EYS: variants seen among roughly 807,000 people sequenced by gnomAD.
EYS encodes protein eyes shut homolog.
Under a neutral mutation model 282.1 loss-of-function variants are expected in EYS, and 250 were observed. That is an observed-to-expected ratio of 0.89 (90% CI 0.80 to 0.98). The LOEUF (loss-of-function observed/expected upper bound fraction) is 0.98. Ranked by LOEUF, EYS falls within the 50% of genes least tolerant of loss-of-function variation. The probability of loss-of-function intolerance (pLI) is 0.00; values close to 1 mark genes in which losing one functional copy is unlikely to be tolerated. For synonymous variants in EYS, 1,355 were observed against 1,282.9 expected (o/e 1.06, Z -1.20); for missense variants, 4,016 against 3,709.0 (o/e 1.08, Z -2.15).
chr6:64,106,513 T>G (rs1773017704), intron 31 of EYS, among the ~76,000 whole-genome samples: 1 of 152,148 alleles, frequency 6.6e-6, no homozygotes, highest in East Asian at 1.9e-4. Flanking sequence ...AGAAATCCAG[T>G]GCAATTCTTT....
At chr6:64,430,144 A>G (rs898499863) in intron 28 of EYS, among the ~76,000 whole-genome samples, 1 of 152,190 alleles carries the variant, frequency 6.6e-6, no homozygotes, top group African/African-American at 2.4e-5. Flanking sequence ...AATGAAGTGC[A>G]AAACTTGGAT....
intron 14 of EYS, among the ~76,000 whole-genome samples, chr6:64,991,149 C>A (rs1771049261): frequency 1.3e-5 from 2 of 151,332 alleles, no homozygotes; most frequent in South Asian, 4.1e-4. Context: ...AGAAAGCTGA[C>A]CTCTATCATA....
intron 2 of EYS, among the ~76,000 whole-genome samples, chr6:65,529,139 TA>T (rs554452993): frequency 1.4e-3 from 201 of 147,058 alleles, no homozygotes; most frequent in East Asian, 2.2e-3. Flanking sequence ...TTGCTATTCT[TA>T]AAAAAAAAAA....
rs193021336 is a variant in EYS, at chr6:63,790,968, C to T, written c.7412-1744G>A. On this transcript the variant is annotated intron_variant, in intron 37 of 42. Transcript: ENST00000503581. ...CTCCTTCCTCCAGTTATGGAGAACC[C>T]ATTTCATGCCAGGAGCATCATTATT... Among the ~76,000 whole-genome samples the T allele has an allele frequency of 1.3e-3, 201 of 152,252 alleles. 2 individuals carry two copies. The South Asian group carries it at 0.023, about 17-fold the overall frequency.
At chr6:63,760,268 ATTTTATGATTTAGGAGAGG>A (rs1769598625) in intron 41 of EYS, among the ~76,000 whole-genome samples, 1 of 152,026 alleles carries the variant, frequency 6.6e-6, no homozygotes, top group African/African-American at 2.4e-5. Context: ...CTGAGAGGAG[ATTTTATGATTTAGGAGAGG>A]TTATATGTAT....
intron 35 of EYS, among the ~76,000 whole-genome samples, chr6:63,867,045 C>T (rs900766745): frequency 6.6e-6 from 1 of 152,180 alleles, no homozygotes; most frequent in Non-Finnish European, 1.5e-5. Context: ...GCTACCAAGC[C>T]TGCTGTTTTC....
intron 31 of EYS, among the ~76,000 whole-genome samples, chr6:64,220,667 C>G (rs1482453936): frequency 6.6e-6 from 1 of 152,156 alleles, no homozygotes; most frequent in Non-Finnish European, 1.5e-5. Context: ...AGAGAAAATA[C>G]TGAGAGTGCC....
At chr6:65,300,278 C>G (rs1424812863) in intron 11 of EYS, among the ~76,000 whole-genome samples, 1 of 152,136 alleles carries the variant, frequency 6.6e-6, no homozygotes, top group Non-Finnish European at 1.5e-5. Flanking sequence ...GGAGGCTTTA[C>G]CGCCTGTCTT....
chr6:65,701,361 G>A (rs1170491797), intron 1 of EYS, among the ~76,000 whole-genome samples: 1 of 152,064 alleles, frequency 6.6e-6, no homozygotes, highest in Non-Finnish European at 1.5e-5. Context: ...TTAATACTGG[G>A]AGAAATAACA....
intron 2 of EYS, among the ~76,000 whole-genome samples, chr6:65,578,907 G>A (rs574987816): frequency 9.2e-5 from 14 of 152,064 alleles, no homozygotes; most frequent in Non-Finnish European, 1.3e-4. Flanking sequence ...AGATTACAAC[G>A]TACCCCATTC....
At chr6:64,782,753 G>C (rs893337537) in intron 22 of EYS, among the ~76,000 whole-genome samples, 1 of 152,130 alleles carries the variant, frequency 6.6e-6, no homozygotes, top group Non-Finnish European at 1.5e-5. Context: ...ATATGTAAAA[G>C]AATAGTTTAA....
intron 31 of EYS, among the ~76,000 whole-genome samples, chr6:64,126,820 CAT>C (rs1181588912): frequency 2.0e-5 from 3 of 151,464 alleles, no homozygotes; most frequent in Non-Finnish European, 4.4e-5. Flanking sequence ...TATATATACA[CAT>C]ATATTTAAAT....
At chr6:63,779,790 G>A (rs1211543412) in intron 39 of EYS, among the ~76,000 whole-genome samples, 1 of 147,952 alleles carries the variant, frequency 6.8e-6, no homozygotes, top group Non-Finnish European at 1.5e-5. Flanking sequence ...GGGTACATGT[G>A]CATACCTTGC....
intron 19 of EYS, among the ~76,000 whole-genome samples, chr6:64,840,983 G>A (rs1187987123): frequency 1.3e-5 from 2 of 152,072 alleles, no homozygotes; most frequent in Non-Finnish European, 2.9e-5. Context: ...AGACAGCATT[G>A]ATTAAGACCA....
intron 41 of EYS, among the ~76,000 whole-genome samples, chr6:63,742,982 A>G (rs1317041303): frequency 1.3e-5 from 2 of 152,050 alleles, no homozygotes; most frequent in African/African-American, 4.8e-5. Context: ...TTTCTGTATA[A>G]ATGTCCAGCA....
At chr6:63,723,788 CATTATTATTATTATT>C (rs57873412) in intron 42 of EYS, among the ~76,000 whole-genome samples, 3,257 of 138,152 alleles carry the variant, frequency 0.024, 59 homozygotes, top group Middle Eastern at 0.04. Context: ...TACACATTGG[CATTATTATTATTATT>C]ATTATTATTA....
intron 12 of EYS, among the ~76,000 whole-genome samples, chr6:65,233,771 TA>T (rs1375905583): frequency 6.6e-6 from 1 of 152,216 alleles, no homozygotes; most frequent in Non-Finnish European, 1.5e-5. Context: ...CATGTCAGAA[TA>T]ATTAACTGTT....
intron 31 of EYS, among the ~76,000 whole-genome samples, chr6:64,108,063 T>G (rs1773090981): frequency 6.6e-6 from 1 of 151,610 alleles, no homozygotes; most frequent in Non-Finnish European, 1.5e-5. Flanking sequence ...CAGAATGCTC[T>G]GTCATATTTC....
intron 22 of EYS, among the ~76,000 whole-genome samples, chr6:64,709,058 A>G (rs913144658): frequency 1.3e-5 from 2 of 151,920 alleles, no homozygotes; most frequent in Non-Finnish European, 2.9e-5. Context: ...AATGTACTAA[A>G]TTATCTATGT....
Sources: gnomAD v4.1 joint callset for allele counts (sites outside exome capture counted in the v4.1 genomes callset) on GRCh38, gnomAD v4.1.1 for gene constraint, MANE v1.5 for transcripts, NCBI Gene and HGNC (gene_info 2026-07-23, HGNC 2026-07-21) for gene names.